Variants in EYA2 observed in about 807,000 individuals in gnomAD.
EYA2 encodes protein phosphatase EYA2.
EYA2 carries 31 observed loss-of-function variants against 69.2 expected under a neutral mutation model. The ratio of observed to expected loss-of-function variants is 0.45; its 90% CI spans 0.34 to 0.60. The LOEUF is 0.60. Ranked by LOEUF, EYA2 falls within the 20% of genes least tolerant of loss-of-function variation. EYA2 has a pLI of 0.02. For missense variants in EYA2, 622 were observed against 701.2 expected (o/e 0.89, Z 1.28); for synonymous variants, 257 against 279.4 (o/e 0.92, Z 0.80).
At chr20:46,938,098 C>T (rs1355454326) in intron 1 of EYA2, among the ~76,000 whole-genome samples, 1 of 152,186 alleles carries the variant, frequency 6.6e-6, no homozygotes, top group Non-Finnish European at 1.5e-5. Flanking sequence ...AGATTCAAAT[C>T]GAGGCAGCTC....
chr20:47,180,084 G>T (rs1280238967), intron 13 of EYA2, among the ~76,000 whole-genome samples, 172 bp downstream of exon 13: 1 of 152,088 alleles, frequency 6.6e-6, no homozygotes, highest in East Asian at 1.9e-4. Context: ...CCAGGCTGGA[G>T]TGCAGTAGCG....
At position 47,138,564 on chromosome 20, in the gene EYA2, A is replaced by G. The variant is rs184738866; in HGVS notation, c.889-4495A>G. Among the ~76,000 whole-genome samples the G allele has an allele frequency of 7.0e-3, 1,063 of 152,156 alleles. 49 individuals carry two copies. The highest frequency in any genetic ancestry group is 0.063 in the Admixed American group (955 of 15,260). ...CAGGAGTTTGAGACCAGCCTGGGCAACATGGTGAAACCCCTGTCTCTACAA... is the reference window on the plus strand; with the variant it reads ...CAGGAGTTTGAGACCAGCCTGGGCAGCATGGTGAAACCCCTGTCTCTACAA... On this transcript the variant is annotated intron_variant, in intron 9 of 15. Transcript: ENST00000327619.
chr20:47,135,236 A>G (rs1281498911), intron 9 of EYA2, among the ~76,000 whole-genome samples: 1 of 151,914 alleles, frequency 6.6e-6, no homozygotes, highest in Non-Finnish European at 1.5e-5. Context: ...TGTTCATTAA[A>G]CTTTCACTAA....
At chr20:47,099,021 G>A (rs2032347468) in intron 9 of EYA2, among the ~76,000 whole-genome samples, 1 of 152,164 alleles carries the variant, frequency 6.6e-6, no homozygotes, top group African/African-American at 2.4e-5. Context: ...TATCTGGGAG[G>A]TAATCCCAGG....
intron 5 of EYA2, among the ~76,000 whole-genome samples, chr20:47,038,546 G>A (rs1984846474): frequency 6.6e-6 from 1 of 152,136 alleles, no homozygotes; most frequent in Non-Finnish European, 1.5e-5. Flanking sequence ...GGTGCTCTGG[G>A]GACAGGTCCA....
intron 2 of EYA2, among the ~76,000 whole-genome samples, chr20:46,995,167 C>T (rs1600621438): frequency 1.3e-5 from 2 of 152,190 alleles, no homozygotes; most frequent in East Asian, 3.8e-4. Context: ...TCCCAAAGTG[C>T]TGGGATTAGA....
intron 12 of EYA2, among the ~76,000 whole-genome samples, chr20:47,178,367 C>T (rs941128305): frequency 4.0e-5 from 6 of 149,626 alleles, no homozygotes; most frequent in African/African-American, 1.5e-4. Context: ...GGCCCAAATG[C>T]AGAGTGTGAA....
At chr20:47,103,636 T>G (rs6066198) in intron 9 of EYA2, among the ~76,000 whole-genome samples, 12,170 of 152,124 alleles carry the variant, frequency 0.08, 945 homozygotes, top group East Asian at 0.22. Flanking sequence ...AAGAGCCCCT[T>G]GTAAAACGAT....
At chr20:47,053,357 A>C (rs1310034555) in intron 5 of EYA2, among the ~76,000 whole-genome samples, 1 of 152,086 alleles carries the variant, frequency 6.6e-6, no homozygotes. Flanking sequence ...GTGTATCTCT[A>C]CTTCATTCAT....
chr20:47,132,451 G>A (rs968534157), intron 9 of EYA2, among the ~76,000 whole-genome samples: 1 of 152,174 alleles, frequency 6.6e-6, no homozygotes, highest in African/African-American at 2.4e-5. Context: ...GCTGCTTTTT[G>A]TTAGTAATAC....
intron 5 of EYA2, among the ~76,000 whole-genome samples, chr20:47,040,644 C>T (rs1985006881): frequency 6.6e-6 from 1 of 152,202 alleles, no homozygotes; most frequent in African/African-American, 2.4e-5. Flanking sequence ...ACATCACACG[C>T]ATAGCTCCTT....
intron 5 of EYA2, among the ~76,000 whole-genome samples, chr20:47,049,931 AT>A (rs35820464): frequency 2.0e-5 from 3 of 147,230 alleles, no homozygotes; most frequent in African/African-American, 7.5e-5. Context: ...CTAGCTGGAC[AT>A]TTTGGCAGTT....
At chr20:47,033,182 G>A (rs754051873) in intron 5 of EYA2, among the ~76,000 whole-genome samples, 1 of 152,264 alleles carries the variant, frequency 6.6e-6, no homozygotes, top group Non-Finnish European at 1.5e-5. Context: ...ATTTTTGATC[G>A]CTTAGGAGCA....
chr20:47,169,810 A>G (rs919963735), intron 11 of EYA2, among the ~76,000 whole-genome samples: 3 of 152,184 alleles, frequency 2.0e-5, no homozygotes, highest in African/African-American at 7.2e-5. Context: ...TCAAGCTCAG[A>G]GTTTCACGTG....
At chr20:47,175,158 G>A (rs1302563051) in intron 12 of EYA2, among the ~76,000 whole-genome samples, 2 of 152,198 alleles carry the variant, frequency 1.3e-5, no homozygotes, top group South Asian at 2.1e-4. Flanking sequence ...GCGGCATGCC[G>A]GTCTCCTTCC....
At chr20:46,998,453 C>G (rs1280127116) in intron 2 of EYA2, 1 of 152,250 alleles carries the variant, frequency 6.6e-6, no homozygotes, top group Admixed American at 6.5e-5. Flanking sequence ...GCAGGGTGGA[C>G]TTCCTGGTCC....
At chr20:47,063,386 C>CATGTGCGTGTGT (rs2030973984) in intron 5 of EYA2, among the ~76,000 whole-genome samples, 1 of 93,566 alleles carries the variant, frequency 1.1e-5, no homozygotes, top group Admixed American at 1.2e-4. Flanking sequence ...TGTGTGTGTG[C>CATGTGCGTGTGT]GTGTGCGTGT....
intron 1 of EYA2, among the ~76,000 whole-genome samples, chr20:46,986,678 C>T (rs1004863786): frequency 3.9e-5 from 6 of 152,042 alleles, no homozygotes; most frequent in Non-Finnish European, 5.9e-5. Flanking sequence ...AGCTTTTACT[C>T]ATAGTGGAAG....
At chr20:47,090,586 A>G (rs539457978) in intron 8 of EYA2, among the ~76,000 whole-genome samples, 5 of 151,818 alleles carry the variant, frequency 3.3e-5, no homozygotes, top group South Asian at 4.1e-4. Flanking sequence ...ACAGGTTGCT[A>G]TGGGATACAT....
Sources: allele counts gnomAD v4.1 joint callset (sites outside exome capture counted in the v4.1 genomes callset), GRCh38; gene constraint gnomAD v4.1.1; transcripts MANE v1.5; gene names NCBI Gene and HGNC (gene_info 2026-07-23, HGNC 2026-07-21).